Variants in ABCB9 observed in about 807,000 individuals in gnomAD.
ABCB9 encodes ABC-type oligopeptide transporter ABCB9.
A neutral mutation model predicts 62.0 loss-of-function variants in ABCB9; 36 were observed. That is an observed-to-expected ratio of 0.58 (90% CI 0.45 to 0.77). The LOEUF (loss-of-function observed/expected upper bound fraction) is 0.77, where lower values mean the gene tolerates loss of function less well. Among genes scored for constraint, ABCB9 ranks in the 30% least tolerant of loss-of-function variants. ABCB9 has a pLI of 0.00. For synonymous variants in ABCB9, 435 were observed against 461.4 expected (o/e 0.94, Z 0.73); for missense variants, 943 against 1,054.7 (o/e 0.89, Z 1.47).
chr12:122,959,942 C>T lies in ABCB9; in HGVS notation c.294G>A (p.Met98Ile), dbSNP rs932125502. ...CCTCTGAGAAGAGCAGCAGCTTCAC[C>T]ATGGCATAGATGCCCACGAAGAGGC... Reference protein sequence around the residue: ...LVCLFVGIYAMVKLLLFSEVR... With the variant: ...LVCLFVGIYAIVKLLLFSEVR... The change falls in exon 2 of 12, where the codon ATG becomes ATA. Residue 98 changes from methionine (M) to isoleucine (I), a missense_variant. Met to Ile is a conservative substitution (Grantham distance 10). Transcript: ENST00000280560. The surrounding 1 kb of genome is among the most constrained non-coding windows in gnomAD (Gnocchi z 5.4). 3 of 1,613,348 alleles carry T rather than the reference C, an allele frequency of 1.9e-6. No individual in the cohort carries two copies. The highest frequency in any genetic ancestry group is 1.7e-5 in the Admixed American group (1 of 60,032).
rs1390317182 is a variant in ABCB9, at chr12:122,930,030, G to A, written c.2182C>T (p.Leu728=). ...VVQQGTHQQL[L]AQGGLYAKLV... Reference sequence around the variant, plus strand: ...TTGGCGTAGAGGCCGCCCTGGGCCAGCAGCTGCTGGTGGGTGCCCTGCTGC... The same window carrying A: ...TTGGCGTAGAGGCCGCCCTGGGCCAACAGCTGCTGGTGGGTGCCCTGCTGC... Residue 728 remains leucine, a synonymous_variant, in exon 12 of 12, where the codon CTG becomes TTG. Coordinates refer to ENST00000280560, the MANE Select transcript of ABCB9 (RefSeq NM_019625.4). This position sits in a 1 kb window ranked among gnomAD's most constrained non-coding sequence, Gnocchi z 4.9. The A allele has an allele frequency of 1.9e-6, 3 of 1,573,088 alleles. No homozygotes were observed. The highest frequency in any genetic ancestry group is 2.6e-6 in the Non-Finnish European group (3 of 1,160,508).
At chr12:122,935,742 T>C (rs942576081) in intron 9 of ABCB9, among the ~76,000 whole-genome samples, 11 of 152,050 alleles carry the variant, frequency 7.2e-5, no homozygotes, top group Non-Finnish European at 1.3e-4. Flanking sequence ...GAAAGAGGGA[T>C]AGAATATAGA....
chr12:122,972,458 G>T (rs2037287999), intron 1 of ABCB9, among the ~76,000 whole-genome samples: 1 of 152,118 alleles, frequency 6.6e-6, no homozygotes, highest in Admixed American at 6.6e-5. Flanking sequence ...GGAATGTTCT[G>T]ATTGGGATCT....
rs1212242829 is a variant in ABCB9, at chr12:122,944,934, G to A, written c.1252-415C>T. Among the ~76,000 whole-genome samples the A allele has an allele frequency of 6.6e-6, 1 of 152,212 alleles. No individual in the cohort carries two copies. The highest frequency in any genetic ancestry group is 1.5e-5 in the Non-Finnish European group (1 of 68,024). Reference sequence around the variant, plus strand: ...CCCCAGTGGGGTTCCGTGAAGAAGGGGCTGTGATGGGAGCGCCCATGCCTT... The same window carrying A: ...CCCCAGTGGGGTTCCGTGAAGAAGGAGCTGTGATGGGAGCGCCCATGCCTT... On this transcript the variant is annotated intron_variant, in intron 6 of 11. Transcript: ENST00000280560. The surrounding 1 kb of genome is among the most constrained non-coding windows in gnomAD (Gnocchi z 4.9).
intron 1 of ABCB9, among the ~76,000 whole-genome samples, chr12:122,972,510 T>A (rs1489936644): frequency 1.3e-5 from 2 of 151,726 alleles, no homozygotes; most frequent in African/African-American, 4.8e-5. Flanking sequence ...CTATGTTGAC[T>A]TTTTTGTTTT....
chr12:122,972,791 G>A (rs1156412162), intron 1 of ABCB9: 2 of 152,198 alleles, frequency 1.3e-5, no homozygotes, highest in African/African-American at 4.8e-5. Context: ...AGGATTACAG[G>A]CGTGAGCCAC....
At chr12:122,970,118 C>A (rs1259073559), upstream of ABCB9, among the ~76,000 whole-genome samples, 1 of 152,202 alleles carries the variant, frequency 6.6e-6, no homozygotes, top group Non-Finnish European at 1.5e-5. Flanking sequence ...CTCACTCTGT[C>A]TCCCAGGCTG....
In ABCB9 at chr12:122,940,232, G is replaced by C; in HGVS notation, c.1622C>G (p.Ser541Trp). 6.2e-7 allele frequency: 1 copy of C among 1,611,684 alleles called. No individual in the cohort carries two copies. Among genetic ancestry groups the C allele is most frequent in the Non-Finnish European group, 8.5e-7 (1 of 1,178,576 alleles). The change falls in exon 9 of 12, where the codon TCG becomes TGG. Residue 541 changes from serine (S) to tryptophan (W), a missense_variant. Ser to Trp is a radical substitution (Grantham distance 177). Transcript: ENST00000280560. This position sits in a 1 kb window ranked among gnomAD's most constrained non-coding sequence, Gnocchi z 4.8. ...GACACAGGAGCTCTTCCCACTGCCCGAGGGCCCCACCAGGGCCGTCACCTT... is the reference window on the plus strand; with the variant it reads ...GACACAGGAGCTCTTCCCACTGCCCCAGGGCCCCACCAGGGCCGTCACCTT... ...PGKVTALVGP[S>W]GSGKSSCVNI...
At chr12:122,922,960 AT>A (rs1286341714) in intron 11 of ABCB9, among the ~76,000 whole-genome samples, 1 of 150,432 alleles carries the variant, frequency 6.6e-6, no homozygotes, top group African/African-American at 2.5e-5. Context: ...CACCTGGCTA[AT>A]TTTTCTTCTT....
chr12:122,943,569 T>C lies in ABCB9; in HGVS notation c.1380+822A>G, dbSNP rs75518539. Among the ~76,000 whole-genome samples, 171 of 152,310 alleles carry C rather than the reference T, an allele frequency of 1.1e-3. 1 individual carries two copies. The highest frequency in any genetic ancestry group is 3.8e-3 in the African/African-American group (160 of 41,570). ...TCTCACAGAGCTGTTAAGACCATTT[T>C]CTGAAATCACCTCTGTCCCTAAAGG... On this transcript the variant is annotated intron_variant, in intron 7 of 11. Coordinates refer to ENST00000280560, the MANE Select transcript of ABCB9 (RefSeq NM_019625.4).
intron 2 of ABCB9, chr12:122,951,958 G>A (rs1361411710): frequency 6.6e-6 from 1 of 152,242 alleles, no homozygotes; most frequent in Non-Finnish European, 1.5e-5. Flanking sequence ...ATAGGGCAGA[G>A]CTCTCCAGGA....
chr12:122,945,676 G>A (rs1467991470), intron 6 of ABCB9, among the ~76,000 whole-genome samples: 4 of 152,048 alleles, frequency 2.6e-5, no homozygotes, highest in African/African-American at 9.7e-5. Flanking sequence ...TCAGGAGTTC[G>A]AGACCAGCCT....
At chr12:122,963,726 A>G (rs996561411) in intron 1 of ABCB9, among the ~76,000 whole-genome samples, 2 of 151,666 alleles carry the variant, frequency 1.3e-5, no homozygotes, top group South Asian at 2.1e-4. Flanking sequence ...GAGTGGGGGG[A>G]TATAACAACC....
intron 11 of ABCB9, among the ~76,000 whole-genome samples, chr12:122,923,581 G>A (rs777365653): frequency 2.6e-5 from 4 of 152,128 alleles, no homozygotes; most frequent in Non-Finnish European, 4.4e-5. Context: ...GAGCCAGGGC[G>A]CCCAGCCACA....
At chr12:122,949,993 T>G (rs1594040195) in intron 3 of ABCB9, 75 bp from the exon 4 acceptor site, 1 of 1,587,774 alleles carries the variant, frequency 6.3e-7, no homozygotes, top group African/African-American at 1.3e-5. Context: ...CCCCTCCCGC[T>G]GCCGGCAGGC....
intron 2 of ABCB9, chr12:122,952,394 A>C (rs1163197527): frequency 6.6e-6 from 1 of 152,254 alleles, no homozygotes; most frequent in Non-Finnish European, 1.5e-5. Flanking sequence ...GTAGGTGCTC[A>C]ATAAAGGTCA....
Position 122,948,761 on chromosome 12 carries a change from C to T in ABCB9, c.916G>A (p.Val306Ile), listed in dbSNP as rs2036189817. The T allele has an allele frequency of 1.9e-6, 3 of 1,611,334 alleles. No homozygotes were observed. Among genetic ancestry groups the T allele is most frequent in the Non-Finnish European group, 2.5e-6 (3 of 1,178,654 alleles). The change falls in exon 5 of 12, where the codon GTC (valine) becomes ATC (isoleucine). Residue 306 changes from valine to isoleucine, a missense_variant. Physicochemically the swap from Val to Ile is conservative, Grantham distance 29. Coordinates refer to ENST00000280560, the MANE Select transcript of ABCB9 (RefSeq NM_019625.4). ...VSDLVSQNIN[V>I]FLRNTVKVTG... Reference sequence around the variant, plus strand: ...ACCTTGACTGTGTTCCGCAGGAAGACATTGATGTTCTGGGAGACCAGGTCG... The same window carrying T: ...ACCTTGACTGTGTTCCGCAGGAAGATATTGATGTTCTGGGAGACCAGGTCG...
In ABCB9 at chr12:122,947,688, C is replaced by T. The variant is rs909081717; in HGVS notation, c.1053+936G>A. Reference sequence around the variant, plus strand: ...GGTCAAACCTGGCTCACGGCCCTAGCTCGGAAGCAGAAGCAGTGCCGTGGG... The same window carrying T: ...GGTCAAACCTGGCTCACGGCCCTAGTTCGGAAGCAGAAGCAGTGCCGTGGG... On this transcript the variant is annotated intron_variant, in intron 5 of 11. Transcript: ENST00000280560. The surrounding 1 kb of genome is among the most constrained non-coding windows in gnomAD (Gnocchi z 6.0). 6 of 276,218 alleles carry T rather than the reference C, an allele frequency of 2.2e-5. No individual in the cohort carries two copies. Among genetic ancestry groups the T allele is most frequent in the African/African-American group, 1.1e-4 (5 of 45,502 alleles). The allele number at this position is 276,218 out of a possible 1,614,324, so 17.1% of individuals were successfully genotyped here. A position where few individuals can be genotyped will look rare whatever the true frequency, so the allele number is the denominator to read the frequency against.
In ABCB9 at chr12:122,947,799, T is replaced by C. The variant is rs1189643080; in HGVS notation, c.1053+825A>G. The C allele has an allele frequency of 1.1e-5, 2 of 179,410 alleles. No homozygotes were observed. The highest frequency in any genetic ancestry group is 2.5e-5 in the Non-Finnish European group (2 of 81,290). 11.1% of individuals were successfully genotyped at this position (179,410 alleles called of 1,614,324 possible). On this transcript the variant is annotated intron_variant, in intron 5 of 11. Transcript: ENST00000280560. The surrounding 1 kb of genome is among the most constrained non-coding windows in gnomAD (Gnocchi z 6.0). Reference sequence around the variant, plus strand: ...ACAGCGGGCCCGCACCACCCCCACATACACACCAGGCACGTTCCAACCCAG... The same window carrying C: ...ACAGCGGGCCCGCACCACCCCCACACACACACCAGGCACGTTCCAACCCAG...
Sources: allele counts gnomAD v4.1 joint callset (sites outside exome capture counted in the v4.1 genomes callset), GRCh38; gene constraint gnomAD v4.1.1; non-coding constraint Gnocchi (gnomAD v3.1); transcripts MANE v1.5; gene names NCBI Gene and HGNC (gene_info 2026-07-23, HGNC 2026-07-21).